The following L3MBTL4 variants were observed in gnomAD, a reference collection of about 807,000 sequenced individuals.
The protein encoded by L3MBTL4 is lethal(3)malignant brain tumor-like protein 4.
A neutral mutation model predicts 84.5 loss-of-function variants in L3MBTL4; 70 were observed. The observed-to-expected ratio is 0.83, with a 90% CI of 0.68 to 1.01. The LOEUF (loss-of-function observed/expected upper bound fraction) is 1.01. L3MBTL4 is among the 50% of genes least tolerant of loss of function. The probability of loss-of-function intolerance (pLI) is 0.00; values close to 1 mark genes in which losing one functional copy is unlikely to be tolerated. For synonymous variants in L3MBTL4, 274 were observed against 259.8 expected (o/e 1.05, Z -0.52); for missense variants, 715 against 754.8 (o/e 0.95, Z 0.62).
chr18:6,090,972 C>A (rs545975832), intron 15 of L3MBTL4, among the ~76,000 whole-genome samples: 39 of 152,174 alleles, frequency 2.6e-4, no homozygotes, highest in Non-Finnish European at 3.4e-4. Context: ...CTGATTTTCA[C>A]CAATTTAACC....
intron 4 of L3MBTL4, among the ~76,000 whole-genome samples, chr18:6,269,039 C>T (rs1222735458): frequency 6.6e-6 from 1 of 152,190 alleles, no homozygotes; most frequent in African/African-American, 2.4e-5. Context: ...CACTCTAGCA[C>T]ACACAGTCAA....
intron 16 of L3MBTL4, among the ~76,000 whole-genome samples, chr18:6,041,479 T>TA (rs2056397166): frequency 6.6e-6 from 1 of 151,552 alleles, no homozygotes; most frequent in Admixed American, 6.6e-5. Flanking sequence ...TTTTTTTTTT[T>TA]TGTCTTGCAA....
intron 1 of L3MBTL4, among the ~76,000 whole-genome samples, chr18:6,337,761 C>T (rs341191): frequency 0.047 from 7,111 of 152,002 alleles, 191 homozygotes; most frequent in East Asian, 0.11. Context: ...TTAAGTTCAG[C>T]GACTAGTTTA....
intron 12 of L3MBTL4, among the ~76,000 whole-genome samples, chr18:6,180,849 C>T (rs1465757682): frequency 6.6e-6 from 1 of 152,176 alleles, no homozygotes; most frequent in Admixed American, 6.5e-5. Context: ...ATGGCAACAG[C>T]ATTCACAATG....
chr18:6,324,028 G>A (rs1464102515), intron 1 of L3MBTL4, among the ~76,000 whole-genome samples: 1 of 152,210 alleles, frequency 6.6e-6, no homozygotes, highest in Non-Finnish European at 1.5e-5. Context: ...CTGCATCCCA[G>A]CCACTCCAGC....
chr18:6,353,663 G>A (rs2053304991), intron 1 of L3MBTL4, among the ~76,000 whole-genome samples: 1 of 151,980 alleles, frequency 6.6e-6, no homozygotes, highest in Admixed American at 6.6e-5. Flanking sequence ...ATCTGAAAGA[G>A]AATTTTTTTA....
intron 12 of L3MBTL4, among the ~76,000 whole-genome samples, chr18:6,187,579 T>C (rs951856019): frequency 6.6e-6 from 1 of 152,220 alleles, no homozygotes; most frequent in African/African-American, 2.4e-5. Flanking sequence ...TTACATGTAC[T>C]GCACCCTCTG....
At chr18:6,093,650 T>C (rs1346835148) in intron 14 of L3MBTL4, 122 bp from the exon 15 acceptor site, 1 of 736,278 alleles carries the variant, frequency 1.4e-6, no homozygotes, top group African/African-American at 1.8e-5. Flanking sequence ...CTTCTTTCCC[T>C]GAGCACACTC....
chr18:6,066,846 G>A (rs756378298), intron 16 of L3MBTL4, among the ~76,000 whole-genome samples: 10 of 149,124 alleles, frequency 6.7e-5, no homozygotes, highest in East Asian at 3.9e-4. Context: ...CACTTAGGCC[G>A]TTTACGTTCA....
At chr18:6,110,648 T>C (rs901887323) in intron 14 of L3MBTL4, among the ~76,000 whole-genome samples, 3 of 151,326 alleles carry the variant, frequency 2.0e-5, no homozygotes, top group Non-Finnish European at 2.9e-5. Flanking sequence ...TGTGTATGTG[T>C]GTGGTGTGTT....
chr18:6,209,187 T>C (rs1036721282), intron 12 of L3MBTL4, among the ~76,000 whole-genome samples: 1 of 152,104 alleles, frequency 6.6e-6, no homozygotes, highest in Admixed American at 6.6e-5. Flanking sequence ...AAAAATAACA[T>C]CTACCTAAAA....
At chr18:6,312,873 G>A (rs2050904378) in intron 1 of L3MBTL4, among the ~76,000 whole-genome samples, 1 of 152,070 alleles carries the variant, frequency 6.6e-6, no homozygotes, top group Non-Finnish European at 1.5e-5. Flanking sequence ...GCAAAGCAAG[G>A]TTCCTGCTGC....
chr18:5,978,916 G>A (rs995772536), intron 16 of L3MBTL4, among the ~76,000 whole-genome samples: 5 of 152,186 alleles, frequency 3.3e-5, no homozygotes, highest in African/African-American at 1.2e-4. Context: ...GGGAGGGGCA[G>A]GGGAACGAAT....
At chr18:6,346,027 A>C (rs533452858) in intron 1 of L3MBTL4, among the ~76,000 whole-genome samples, 11 of 150,950 alleles carry the variant, frequency 7.3e-5, no homozygotes, top group Non-Finnish European at 1.5e-4. Context: ...ATGCATATAC[A>C]GTCAACTAAT....
intron 16 of L3MBTL4, among the ~76,000 whole-genome samples, chr18:6,058,351 G>C (rs1053441754): frequency 3.3e-5 from 5 of 152,124 alleles, no homozygotes; most frequent in African/African-American, 1.2e-4. Flanking sequence ...GCATCCTTTA[G>C]AACAAGCCTT....
intron 16 of L3MBTL4, among the ~76,000 whole-genome samples, chr18:6,071,712 A>AGAAG (rs1319560939): frequency 5.7e-4 from 30 of 52,802 alleles, no homozygotes; most frequent in Admixed American, 1.1e-3. Context: ...AAAGAAAGAA[A>AGAAG]GAAGGAAAGA....
Position 6,092,788 on chromosome 18 carries a change from T to C in L3MBTL4, c.1373+567A>G, listed in dbSNP as rs182542793. ...GCTGTACTTGCAGCTCCTTAGAATA[T>C]AGTTATATATAAACAAAAATGAGAA... On this transcript the variant is annotated intron_variant, in intron 15 of 18. Transcript: ENST00000317931. Among the ~76,000 whole-genome samples, 297 of 152,326 alleles carry C rather than the reference T, an allele frequency of 1.9e-3. 2 individuals carry two copies. Among genetic ancestry groups the C allele is most frequent in the South Asian group, 6.4e-3 (31 of 4,828 alleles).
At chr18:6,145,493 G>T (rs116227259) in intron 13 of L3MBTL4, among the ~76,000 whole-genome samples, 2,150 of 145,060 alleles carry the variant, frequency 0.015, 50 homozygotes, top group African/African-American at 0.052. Flanking sequence ...CAAAAAAAAA[G>T]AAGAAGAAGA....
intron 4 of L3MBTL4, among the ~76,000 whole-genome samples, chr18:6,297,725 T>C (rs533101724): frequency 1.3e-5 from 2 of 152,344 alleles, no homozygotes; most frequent in Admixed American, 6.5e-5. Context: ...ATACTTTTTA[T>C]CTAACAACTT....
Sources: gnomAD v4.1 joint callset for allele counts (sites outside exome capture counted in the v4.1 genomes callset) on GRCh38, gnomAD v4.1.1 for gene constraint, MANE v1.5 for transcripts, NCBI Gene and HGNC (gene_info 2026-07-23, HGNC 2026-07-21) for gene names.